The following BCKDHB variants were observed in gnomAD, a reference collection of about 807,000 sequenced individuals.
BCKDHB encodes 2-oxoisovalerate dehydrogenase subunit beta, mitochondrial.
Under a neutral mutation model 48.5 loss-of-function variants are expected in BCKDHB, and 41 were observed. The observed-to-expected ratio is 0.85, with a 90% CI of 0.66 to 1.10. The LOEUF (loss-of-function observed/expected upper bound fraction) is 1.10, where lower values mean the gene tolerates loss of function less well. Ranked by LOEUF, BCKDHB falls within the 50% of genes least tolerant of loss-of-function variation. The probability of loss-of-function intolerance (pLI) is 0.00; values close to 1 mark genes in which losing one functional copy is unlikely to be tolerated. For synonymous variants in BCKDHB, 201 were observed against 174.8 expected (o/e 1.15, Z -1.18); for missense variants, 496 against 494.2 (o/e 1.00, Z -0.03).
chr6:80,171,433 A>T (rs769413576), intron 6 of BCKDHB, 43 bp downstream of exon 6: 24 of 1,227,032 alleles, frequency 2.0e-5, no homozygotes, highest in Non-Finnish European at 2.2e-5. Context: ...ATCTTTATAT[A>T]CTTTGTTTTT....
intron 1 of BCKDHB, among the ~76,000 whole-genome samples, chr6:80,120,409 T>C (rs1371077239): frequency 6.6e-6 from 1 of 152,222 alleles, no homozygotes; most frequent in Non-Finnish European, 1.5e-5. Flanking sequence ...ATGGTAATTC[T>C]AGTTCTAGAT....
intron 3 of BCKDHB, among the ~76,000 whole-genome samples, chr6:80,140,755 C>A (rs1023321055): frequency 2.0e-4 from 31 of 152,078 alleles, no homozygotes; most frequent in African/African-American, 7.2e-4. Context: ...GGATATTGGT[C>A]TAAAATTCTC....
intron 8 of BCKDHB, among the ~76,000 whole-genome samples, chr6:80,267,423 A>G (rs913903271): frequency 3.3e-5 from 5 of 152,232 alleles, no homozygotes; most frequent in Middle Eastern, 6.8e-3. Context: ...GAAAGGTACC[A>G]TGGGGTTTAA....
At chr6:80,117,799 T>C (rs1769785594) in intron 1 of BCKDHB, among the ~76,000 whole-genome samples, 1 of 152,250 alleles carries the variant, frequency 6.6e-6, no homozygotes, top group Non-Finnish European at 1.5e-5. Flanking sequence ...ACTGGCTTGC[T>C]GTCAATAAAT....
At chr6:80,375,915 G>C in the BCKDHB span, among the ~76,000 whole-genome samples, 1 of 152,112 alleles carries the variant, frequency 6.6e-6, no homozygotes, top group Admixed American at 6.6e-5. Flanking sequence ...TTTTTATTAC[G>C]TGTGTTGGTT....
chr6:80,447,193 T>C, the BCKDHB span, among the ~76,000 whole-genome samples: 1 of 152,296 alleles, frequency 6.6e-6, no homozygotes, highest in East Asian at 1.9e-4. Context: ...GGCCCTTTTG[T>C]GCCACCATTT....
chr6:80,155,875 T>A (rs1014293279), intron 3 of BCKDHB, among the ~76,000 whole-genome samples: 2 of 149,726 alleles, frequency 1.3e-5, no homozygotes, highest in Non-Finnish European at 3.0e-5. Context: ...TTTTTTTGAG[T>A]GCTTGGTTGT....
intron 8 of BCKDHB, among the ~76,000 whole-genome samples, chr6:80,272,687 A>G (rs1211875191): frequency 6.6e-6 from 1 of 152,154 alleles, no homozygotes; most frequent in East Asian, 1.9e-4. Flanking sequence ...TAGCTTTCAC[A>G]TACTGTTTTT....
the BCKDHB span, among the ~76,000 whole-genome samples, chr6:80,359,524 A>G: frequency 2.0e-5 from 3 of 152,114 alleles, no homozygotes; most frequent in Non-Finnish European, 2.9e-5. Flanking sequence ...TTTTATTATC[A>G]TTTTAATGCC....
chr6:80,336,876 G>T (rs952110726), intron 9 of BCKDHB, among the ~76,000 whole-genome samples: 2 of 151,930 alleles, frequency 1.3e-5, no homozygotes, highest in Non-Finnish European at 2.9e-5. Context: ...ATTAGTTTGG[G>T]GGTAGGTTAG....
At chr6:80,370,314 C>T in the BCKDHB span, among the ~76,000 whole-genome samples, 1 of 152,176 alleles carries the variant, frequency 6.6e-6, no homozygotes, top group Non-Finnish European at 1.5e-5. Context: ...GAGAGGGCAT[C>T]CATCTATTCA....
chr6:80,298,300 A>G (rs1156375818), intron 9 of BCKDHB, among the ~76,000 whole-genome samples: 2 of 152,104 alleles, frequency 1.3e-5, no homozygotes, highest in African/African-American at 4.8e-5. Context: ...TGTGGTAGAG[A>G]CAGGGTTTTG....
intron 7 of BCKDHB, 136 bp from the exon 8 acceptor site, chr6:80,202,966 C>G (rs762452682): frequency 3.5e-5 from 25 of 704,590 alleles, no homozygotes; most frequent in Non-Finnish European, 5.6e-5. Flanking sequence ...ATATTTAAAA[C>G]AAATTTATAA....
chr6:80,409,576 ATATATATATATATATATAT>A, the BCKDHB span, among the ~76,000 whole-genome samples: 1 of 1,340 alleles, frequency 7.5e-4, no homozygotes, highest in East Asian at 0.014. Flanking sequence ...TATTGGTTGC[ATATATATATATATATATAT>A]ATATATATAT....
At chr6:80,424,820 G>A in the BCKDHB span, among the ~76,000 whole-genome samples, 1 of 152,126 alleles carries the variant, frequency 6.6e-6, no homozygotes, top group African/African-American at 2.4e-5. Context: ...AGGTTGACAG[G>A]AGGACTTTTC....
chr6:80,159,992 G>T (rs935825705), intron 3 of BCKDHB, among the ~76,000 whole-genome samples: 1 of 152,156 alleles, frequency 6.6e-6, no homozygotes, highest in Non-Finnish European at 1.5e-5. Context: ...ATGGAAAGAA[G>T]AAATTTAATT....
intron 6 of BCKDHB, among the ~76,000 whole-genome samples, chr6:80,182,117 G>A (rs1375732837): frequency 1.3e-5 from 2 of 151,960 alleles, no homozygotes; most frequent in South Asian, 2.1e-4. Flanking sequence ...TCTTAAAATC[G>A]CATGGTAGCA....
At chr6:80,166,523 G>A (rs977601611) in intron 3 of BCKDHB, among the ~76,000 whole-genome samples, 5 of 150,652 alleles carry the variant, frequency 3.3e-5, no homozygotes, top group African/African-American at 7.3e-5. Context: ...GGGTGTAGTG[G>A]TGGGCGCCTA....
chr6:80,355,782 G>C, the BCKDHB span: 1 of 152,106 alleles, frequency 6.6e-6, no homozygotes. Flanking sequence ...GGTTCTCTCT[G>C]GCTCTGGCTC....
Sources: gnomAD v4.1 joint callset for allele counts (sites outside exome capture counted in the v4.1 genomes callset) on GRCh38, gnomAD v4.1.1 for gene constraint, MANE v1.5 for transcripts, NCBI Gene and HGNC (gene_info 2026-07-23, HGNC 2026-07-21) for gene names.